Variants in ZBTB46 observed in about 807,000 individuals in gnomAD.
ZBTB46 encodes the protein zinc finger and BTB domain containing 46.
ZBTB46 carries 8 observed loss-of-function variants against 44.1 expected under a neutral mutation model. That is an observed-to-expected ratio of 0.18 (90% CI 0.11 to 0.33). ZBTB46 has a LOEUF of 0.33. Among genes scored for constraint, ZBTB46 ranks in the 10% least tolerant of loss-of-function variants. The pLI is 1.00. For synonymous variants in ZBTB46, 409 were observed against 382.3 expected, an observed-to-expected ratio of 1.07 and a Z score of -0.81; for missense variants, 651 against 847.7, an observed-to-expected ratio of 0.77 and a Z score of 2.88.
At chr20:63,832,499 ATG>A (rs1007549653), upstream of ZBTB46, among the ~76,000 whole-genome samples, 14 of 152,032 alleles carry the variant, frequency 9.2e-5, no homozygotes, top group African/African-American at 3.4e-4. This position sits in a 1 kb window ranked among gnomAD's most constrained non-coding sequence, Gnocchi z 5.0. Flanking sequence ...TCAAATCTGG[ATG>A]TGTGAGGCGC....
rs146080844 is a variant in ZBTB46 at position 63,827,346 on chromosome 20, G to A, written c.-34+3751C>T. ...AAGATGGCCGGGCGCGGTGGCTCACGCCTGTAATCCCAGCACTTTGGGAGG... is the reference window on the plus strand; with the variant it reads ...AAGATGGCCGGGCGCGGTGGCTCACACCTGTAATCCCAGCACTTTGGGAGG... On this transcript the variant is annotated intron_variant, in intron 1 of 4. Coordinates refer to ENST00000245663, the MANE Select transcript of ZBTB46 (RefSeq NM_001369741.1). 1.5e-3 allele frequency among the ~76,000 whole-genome samples: 234 copies of A among 152,264 alleles called. 1 individual carries two copies. The highest frequency in any genetic ancestry group is 4.8e-3 in the African/African-American group (199 of 41,560).
intron 3 of ZBTB46, among the ~76,000 whole-genome samples, chr20:63,759,950 C>G (rs1357235943): frequency 1.3e-5 from 2 of 152,192 alleles, no homozygotes; most frequent in Non-Finnish European, 2.9e-5. Context: ...CACATTGATT[C>G]CAAACACTCA....
chr20:63,749,748 C>T (rs902280154), intron 4 of ZBTB46, among the ~76,000 whole-genome samples: 5 of 152,218 alleles, frequency 3.3e-5, no homozygotes, highest in African/African-American at 7.2e-5. Context: ...AGGGTTGGAG[C>T]GGGGCTAGTG....
At chr20:63,812,408 CG>C (rs2092722631) in intron 1 of ZBTB46, among the ~76,000 whole-genome samples, 3 of 151,796 alleles carry the variant, frequency 2.0e-5, no homozygotes, top group African/African-American at 4.8e-5. Flanking sequence ...CTTTGGGAGG[CG>C]GAGGCGGGCG....
intron 3 of ZBTB46, among the ~76,000 whole-genome samples, chr20:63,753,948 A>G (rs1302701281): frequency 6.6e-6 from 1 of 152,236 alleles, no homozygotes; most frequent in Non-Finnish European, 1.5e-5. Context: ...CCTGACCAGC[A>G]GTCCCCACTT....
intron 3 of ZBTB46, 148 bp downstream of exon 3, chr20:63,775,529 CG>C: frequency 9.3e-7 from 1 of 1,072,082 alleles, no homozygotes; most frequent in Non-Finnish European, 1.3e-6. Flanking sequence ...GCTGTGACGC[CG>C]CATCCTCACC....
intron 2 of ZBTB46, among the ~76,000 whole-genome samples, chr20:63,779,784 T>A (rs1178701280): frequency 1.3e-5 from 2 of 151,594 alleles, no homozygotes; most frequent in African/African-American, 2.4e-5. Flanking sequence ...GGTCTCAAAC[T>A]CCCAACCTCA....
chr20:63,793,061 C>T (rs1350753721), intron 1 of ZBTB46, among the ~76,000 whole-genome samples: 2 of 152,222 alleles, frequency 1.3e-5, no homozygotes, highest in East Asian at 1.9e-4. Flanking sequence ...GCTGTGACGG[C>T]GGTGACCGCT....
rs985769196 is a variant in ZBTB46 at position 63,780,279 on chromosome 20, A to C, written c.938-4317T>G. Among the ~76,000 whole-genome samples the C allele has an allele frequency of 5.9e-5, 9 of 152,016 alleles. No homozygotes were observed. In the South Asian group the frequency reaches 6.2e-4, roughly 11 times the overall value. On this transcript the variant is annotated intron_variant, in intron 2 of 4. Coordinates refer to ENST00000245663, the MANE Select transcript of ZBTB46 (RefSeq NM_001369741.1). ...AGAGTGAAACTCCATCTCAAAAAAAAAAAAGACAGATAAAAGAAATTCTCA... is the reference window on the plus strand; with the variant it reads ...AGAGTGAAACTCCATCTCAAAAAAACAAAAGACAGATAAAAGAAATTCTCA...
intron 2 of ZBTB46, among the ~76,000 whole-genome samples, chr20:63,788,748 A>G (rs1368995212): frequency 6.6e-6 from 1 of 151,518 alleles, no homozygotes; most frequent in Non-Finnish European, 1.5e-5. Flanking sequence ...CTGTGGCAGG[A>G]GAATCACTTG....
Position 63,752,676 on chromosome 20 carries a change from C to A in ZBTB46, c.1398+10G>T. ...GCAGCGCGCGGCACGCGGACCCTCC[C>A]CGCACTCACCAGCGTGTGGCGCTTC... On this transcript the variant is annotated intron_variant, in intron 4 of 4. Coordinates refer to ENST00000245663, the MANE Select transcript of ZBTB46 (RefSeq NM_001369741.1). The surrounding 1 kb of genome is among the most constrained non-coding windows in gnomAD (Gnocchi z 5.6). The A allele has an allele frequency of 6.4e-7, 1 of 1,560,302 alleles. No individual in the cohort carries two copies. The highest frequency in any genetic ancestry group is 8.7e-7 in the Non-Finnish European group (1 of 1,154,802).
At chr20:63,775,594 C>G in intron 3 of ZBTB46, 84 bp downstream of exon 3, 3 of 1,484,190 alleles carry the variant, frequency 2.0e-6, no homozygotes, top group South Asian at 1.4e-5. Flanking sequence ...GACCCTCAGC[C>G]TCATCTCATC....
At chr20:63,749,530 G>T (rs2145754774) in intron 4 of ZBTB46, among the ~76,000 whole-genome samples, 1 of 152,186 alleles carries the variant, frequency 6.6e-6, no homozygotes, top group East Asian at 1.9e-4. Flanking sequence ...TAGAGACGGG[G>T]TTTCACCGTG....
chr20:63,817,222 A>C (rs1279017232), intron 1 of ZBTB46, among the ~76,000 whole-genome samples: 1 of 152,096 alleles, frequency 6.6e-6, no homozygotes, highest in African/African-American at 2.4e-5. Flanking sequence ...CATGGGCCAC[A>C]TAGGGAGACC....
intron 1 of ZBTB46, 28 bp from the exon 2 acceptor site, chr20:63,790,818 A>C: frequency 6.7e-7 from 1 of 1,503,046 alleles, no homozygotes; most frequent in South Asian, 1.3e-5. Flanking sequence ...AGAGTTACCC[A>C]AGCTCAGCAC....
At chr20:63,783,660 C>T (rs1420955243) in intron 2 of ZBTB46, among the ~76,000 whole-genome samples, 1 of 152,120 alleles carries the variant, frequency 6.6e-6, no homozygotes, top group African/African-American at 2.4e-5. Context: ...CTCAAGCTTC[C>T]CAGGACAGGA....
rs1568844327 is a variant in ZBTB46, at chr20:63,767,550, T to C, written c.1222+8128A>G. On this transcript the variant is annotated intron_variant, in intron 3 of 4. Coordinates refer to ENST00000245663, the MANE Select transcript of ZBTB46 (RefSeq NM_001369741.1). The surrounding 1 kb of genome is among the most constrained non-coding windows in gnomAD (Gnocchi z 5.0). ...CCACACACTTGAGAGCTCTCTCGCC[T>C]GGGCAGCTGCACCCAGCTGGAGCCC... Among the ~76,000 whole-genome samples, 1 of 152,332 alleles carries C rather than the reference T, an allele frequency of 6.6e-6. No homozygotes were observed. Among genetic ancestry groups the C allele is most frequent in the East Asian group, 1.9e-4 (1 of 5,180 alleles).
Position 63,772,752 on chromosome 20 carries a change from CA to C in ZBTB46, c.1222+2925del, listed in dbSNP as rs1568850334. ...ACACACACACACACACACACACACACACACACACACACACAGAAGTGCGGGG... is the reference window on the plus strand; with the variant it reads ...ACACACACACACACACACACACACACCACACACACACACAGAAGTGCGGGG... On this transcript the variant is annotated intron_variant, in intron 3 of 4. Coordinates refer to ENST00000245663, the MANE Select transcript of ZBTB46 (RefSeq NM_001369741.1). Among the ~76,000 whole-genome samples, 525 of 87,960 alleles carry C rather than the reference CA, an allele frequency of 6.0e-3. 6 individuals are homozygous for C. The highest frequency in any genetic ancestry group is 0.022 in the African/African-American group (394 of 17,876). 57.7% of individuals were successfully genotyped at this position (87,960 alleles called of 152,430 possible).
At chr20:63,777,921 A>ATTCG (rs2092438724) in intron 2 of ZBTB46, among the ~76,000 whole-genome samples, 3 of 152,200 alleles carry the variant, frequency 2.0e-5, no homozygotes, top group Non-Finnish European at 1.5e-5. Flanking sequence ...AAAACTGCTG[A>ATTCG]GTGAACAAAG....
Sources: gnomAD v4.1 joint callset for allele counts (sites outside exome capture counted in the v4.1 genomes callset) on GRCh38, gnomAD v4.1.1 for gene constraint, Gnocchi (gnomAD v3.1) non-coding constraint, MANE v1.5 for transcripts, NCBI Gene and HGNC (gene_info 2026-07-23, HGNC 2026-07-21) for gene names.